S100G: variants seen among roughly 807,000 people sequenced by gnomAD.
S100G encodes protein S100-G.
Under a neutral mutation model 4.4 loss-of-function variants are expected in S100G, and 4 were observed. The ratio of observed to expected loss-of-function variants is 0.91; its 90% confidence interval spans 0.45 to 2.09. The LOEUF is 2.09. Ranked by LOEUF, S100G falls within the 30% of genes most tolerant of loss-of-function variation. The probability of loss-of-function intolerance (pLI) is 0.03; values close to 1 mark genes in which losing one functional copy is unlikely to be tolerated. For missense variants in S100G, 48 were observed against 49.8 expected, an observed-to-expected ratio of 0.96 and a Z score of 0.11; for synonymous variants, 24 against 20.1, an observed-to-expected ratio of 1.20 and a Z score of -0.53.
At chrX:16,650,878 C>T in intron 1 of S100G, 121 bp from the exon 2 acceptor site, 2 of 571,046 alleles carry the variant, frequency 3.5e-6, no homozygotes, top group East Asian at 3.4e-5. Context: ...TTCTCTTTTC[C>T]TTATTCTTCC....
intron 2 of S100G, 119 bp downstream of exon 2, chrX:16,651,260 G>T: frequency 1.5e-6 from 1 of 682,049 alleles, no homozygotes; most frequent in Non-Finnish European, 2.2e-6. Flanking sequence ...ACACATGCAG[G>T]TGGGGTTTCT....
chrX:16,651,021 G>A lies in S100G; in HGVS notation c.15G>A (p.Lys5=), dbSNP rs754268491. Residue 5 remains lysine (K), a synonymous_variant, in exon 2 of 3, where the codon AAG becomes AAA. Coordinates refer to ENST00000380200, the MANE Select transcript of S100G (RefSeq NM_004057.3). MSTK[K]SPEELKRIFE... Reference sequence around the variant, plus strand: ...AAGACACCAGAATGAGTACTAAAAAGTCTCCTGAGGAACTGAAGAGGATTT... The same window carrying A: ...AAGACACCAGAATGAGTACTAAAAAATCTCCTGAGGAACTGAAGAGGATTT... The A allele has an allele frequency of 8.3e-7, 1 of 1,206,054 alleles. No individual in the cohort carries two copies. Among genetic ancestry groups the A allele is most frequent in the Admixed American group, 2.2e-5 (1 of 45,815 alleles).
At chrX:16,654,120 A>G (rs776256321) in intron 2 of S100G, among the ~76,000 whole-genome samples, 1 of 112,488 alleles carries the variant, frequency 8.9e-6, no homozygotes, top group Non-Finnish European at 1.9e-5. Flanking sequence ...GGCATAAAGA[A>G]AAAGACCCAA....
chrX:16,654,313 G>T, intron 2 of S100G, 92 bp from the exon 3 acceptor site: 1 of 552,036 alleles, frequency 1.8e-6, no homozygotes, highest in Non-Finnish European at 2.9e-6. Flanking sequence ...TTGGCACACA[G>T]ACCCCAAGGC....
Position 16,651,266 on chromosome X carries a change from T to A in S100G, c.135+125T>A, listed in dbSNP as rs1932616173. On this transcript the variant is annotated intron_variant, in intron 2 of 2. Transcript: ENST00000380200. ...TGAGGGAGGACACATGCAGGTGGGGTTTCTTCCCCTTAAGTCAGGCCACAT... is the reference window on the plus strand; with the variant it reads ...TGAGGGAGGACACATGCAGGTGGGGATTCTTCCCCTTAAGTCAGGCCACAT... The A allele has an allele frequency of 8.1e-6, 5 of 619,573 alleles. No homozygotes were observed. The Admixed American group carries it at 1.0e-4, about 12-fold the overall frequency. The allele number at this position is 619,573 out of a possible 1,213,427, so 51.1% of individuals were successfully genotyped here.
chrX:16,652,432 C>T (rs1285042482), intron 2 of S100G, among the ~76,000 whole-genome samples: 1 of 111,934 alleles, frequency 8.9e-6, no homozygotes, highest in Non-Finnish European at 1.9e-5. Context: ...TCAATGACCC[C>T]AGAATCTGAT....
Position 16,652,975 on chromosome X carries a change from G to A in S100G, c.136-1430G>A, listed in dbSNP as rs183535907. Reference sequence around the variant, plus strand: ...CTAAGTGTTTTTGTAGGAATCTTAGGGGTTAAAATATATCTTCCATAGAGA... The same window carrying A: ...CTAAGTGTTTTTGTAGGAATCTTAGAGGTTAAAATATATCTTCCATAGAGA... On this transcript the variant is annotated intron_variant, in intron 2 of 2. Coordinates refer to ENST00000380200, the MANE Select transcript of S100G (RefSeq NM_004057.3). Among the ~76,000 whole-genome samples, 388 of 111,137 alleles carry A rather than the reference G, an allele frequency of 3.5e-3. 3 individuals carry two copies. Among genetic ancestry groups the A allele is most frequent in the African/African-American group, 0.012 (377 of 30,652 alleles).
the S100G span, chrX:16,650,997 A>G: frequency 7.1e-3 from 8,559 of 1,197,764 alleles, 375 homozygotes; most frequent in African/African-American, 0.13. Flanking sequence ...CCAATTTATA[A>G]GACACCAGAA....
chrX:16,651,670 T>C (rs1932639794), intron 2 of S100G, among the ~76,000 whole-genome samples: 1 of 112,370 alleles, frequency 8.9e-6, no homozygotes, highest in African/African-American at 3.2e-5. Context: ...TAAATTTGTG[T>C]TAATGAGGCA....
chrX:16,653,919 T>C (rs1932760774), intron 2 of S100G, among the ~76,000 whole-genome samples: 1 of 110,934 alleles, frequency 9.0e-6, no homozygotes, highest in Non-Finnish European at 1.9e-5. Flanking sequence ...ATCTCCCTCA[T>C]AGGGTGGTCG....
In S100G at chrX:16,651,048, TGAAAAATATGCAGCCAAA is replaced by T; in HGVS notation, c.46_63del (p.Lys16_Glu21del). 8.3e-7 allele frequency: 1 copy of T among 1,205,566 alleles called. No individual in the cohort carries two copies. The highest frequency in any genetic ancestry group is 1.1e-6 in the Non-Finnish European group (1 of 890,313). ...CTCCTGAGGAACTGAAGAGGATTTT[TGAAAAATATGCAGCCAAA>T]GAAGGTGATCCAGACCAGTTGTCAA... On this transcript the variant is annotated inframe_deletion, in exon 2 of 3. Transcript: ENST00000380200.
chrX:16,651,134 T>C lies in S100G; in HGVS notation c.128T>C (p.Leu43Ser). 1 of 1,040,156 alleles carries C rather than the reference T, an allele frequency of 9.6e-7. No individual in the cohort carries two copies. The highest frequency in any genetic ancestry group is 1.3e-6 in the Non-Finnish European group (1 of 788,452). 85.7% of individuals were successfully genotyped at this position (1,040,156 alleles called of 1,213,427 possible). ...TTGATTCAGGCTGAATTCCCCAGTTTACTCAAAGTAAGTGGCCATCCGCAG... is the reference window on the plus strand; with the variant it reads ...TTGATTCAGGCTGAATTCCCCAGTTCACTCAAAGTAAGTGGCCATCCGCAG... ...KLLIQAEFPSLLKGPNTLDDL... is the reference protein window; with the variant it reads ...KLLIQAEFPSSLKGPNTLDDL... Residue 43 changes from leucine (L) to serine (S), a missense_variant, in exon 2 of 3, where the codon TTA (leucine) becomes TCA (serine). Leu to Ser is a moderately radical substitution (Grantham distance 145). Coordinates refer to ENST00000380200, the MANE Select transcript of S100G (RefSeq NM_004057.3).
chrX:16,650,255 C>T (rs1449870502), intron 1 of S100G, 52 bp downstream of exon 1: 1 of 111,604 alleles, frequency 9.0e-6, no homozygotes, highest in African/African-American at 3.3e-5. Flanking sequence ...CATTAATACT[C>T]TGCTTCCTTT....
At chrX:16,651,230 G>C in intron 2 of S100G, 89 bp downstream of exon 2, 1 of 905,511 alleles carries the variant, frequency 1.1e-6, no homozygotes, top group African/African-American at 2.0e-5. Flanking sequence ...AGCCTTATAG[G>C]GACCGTCGCT....
intron 2 of S100G, among the ~76,000 whole-genome samples, chrX:16,651,896 C>T (rs1363239461): frequency 1.8e-5 from 2 of 111,012 alleles, no homozygotes; most frequent in African/African-American, 6.6e-5. Context: ...GGTAAGGCAA[C>T]TTACTCCAGG....
chrX:16,650,367 T>C (rs1602198296), intron 1 of S100G, among the ~76,000 whole-genome samples, 164 bp downstream of exon 1: 1 of 111,291 alleles, frequency 9.0e-6, no homozygotes, highest in African/African-American at 3.3e-5. Flanking sequence ...CAAGTATTCT[T>C]CAAGACCACA....
In S100G at chrX:16,651,141, A is replaced by G. The variant is rs771022384; in HGVS notation, c.135A>G (p.Lys45=). The G allele has an allele frequency of 1.5e-5, 15 of 1,017,327 alleles. No homozygotes were observed. The highest frequency in any genetic ancestry group is 1.9e-5 in the Non-Finnish European group (15 of 775,025). 83.8% of individuals were successfully genotyped at this position (1,017,327 alleles called of 1,213,427 possible). A position where few individuals can be genotyped will look rare whatever the true frequency, so the allele number is the denominator to read the frequency against. ...AGGCTGAATTCCCCAGTTTACTCAAAGTAAGTGGCCATCCGCAGAGCCCAC... is the reference window on the plus strand; with the variant it reads ...AGGCTGAATTCCCCAGTTTACTCAAGGTAAGTGGCCATCCGCAGAGCCCAC... ...LIQAEFPSLL[K]GPNTLDDLFQ... Residue 45 remains lysine, a splice_region_variant and synonymous_variant, in exon 2 of 3, where the codon AAA becomes AAG. Transcript: ENST00000380200.
At chrX:16,653,703 G>A (rs1932755137) in intron 2 of S100G, among the ~76,000 whole-genome samples, 2 of 112,275 alleles carry the variant, frequency 1.8e-5, no homozygotes, top group Middle Eastern at 4.6e-3. Context: ...AGCCTATCGT[G>A]TGATTCTGAT....
At chrX:16,651,188 GGGGA>G (rs1287367571) in intron 2 of S100G, 47 bp downstream of exon 2, 36 of 1,019,185 alleles carry the variant, frequency 3.5e-5, no homozygotes, top group East Asian at 9.2e-5. Context: ...GATGGTGGGA[GGGGA>G]GGGAGGGAGG....
Sources: gnomAD v4.1 joint callset for allele counts (sites outside exome capture counted in the v4.1 genomes callset) on GRCh38, gnomAD v4.1.1 for gene constraint, MANE v1.5 for transcripts, NCBI Gene and HGNC (gene_info 2026-07-23, HGNC 2026-07-21) for gene names.